The following ADAMTS17 variants were observed in gnomAD, a reference collection of about 807,000 sequenced individuals.
ADAMTS17 encodes A disintegrin and metalloproteinase with thrombospondin motifs 17.
In ADAMTS17, 113 loss-of-function variants were observed where a neutral mutation model predicts 141.5. The observed-to-expected ratio is 0.80, with a 90% confidence interval of 0.69 to 0.93. The LOEUF is 0.93. Among genes scored for constraint, ADAMTS17 ranks in the 40% least tolerant of loss-of-function variants. ADAMTS17 has a pLI of 0.00. For missense variants in ADAMTS17, 1,659 were observed against 1,517.9 expected (o/e 1.09, Z -1.54); for synonymous variants, 768 against 630.6 (o/e 1.22, Z -3.27).
At chr15:100,091,010 C>CAAAAAAAAAAAAAAAAAAA (rs556800178) in intron 15 of ADAMTS17, among the ~76,000 whole-genome samples, 16 of 54,580 alleles carry the variant, frequency 2.9e-4, no homozygotes, top group East Asian at 2.2e-3. Flanking sequence ...TCCGTCTCAA[C>CAAAAAAAAAAAAAAAAAAA]AAAAAAAAAA....
intron 17 of ADAMTS17, among the ~76,000 whole-genome samples, chr15:100,050,954 T>C (rs1011397726): frequency 6.6e-6 from 1 of 152,246 alleles, no homozygotes. Context: ...TTTGGTCATA[T>C]TGATTCTTGC....
At chr15:100,220,621 AG>A (rs2141781474) in intron 7 of ADAMTS17, among the ~76,000 whole-genome samples, 1 of 152,302 alleles carries the variant, frequency 6.6e-6, no homozygotes, top group East Asian at 1.9e-4. Flanking sequence ...TAATTCGAGA[AG>A]ATTTTCATCA....
intron 20 of ADAMTS17, chr15:99,980,115 G>C (rs550819843): frequency 5.9e-5 from 9 of 152,362 alleles, no homozygotes; most frequent in African/African-American, 2.2e-4. Flanking sequence ...GAGGCCAGAA[G>C]TTCGAGACCA....
intron 8 of ADAMTS17, among the ~76,000 whole-genome samples, chr15:100,156,342 C>T (rs1242459162): frequency 6.6e-6 from 1 of 152,228 alleles, no homozygotes; most frequent in East Asian, 1.9e-4. Context: ...GTCTTCTCTG[C>T]ATGCCTGCAG....
At chr15:99,991,165 A>G (rs2060682771) in intron 20 of ADAMTS17, among the ~76,000 whole-genome samples, 1 of 152,264 alleles carries the variant, frequency 6.6e-6, no homozygotes. Flanking sequence ...GCCAGAACTG[A>G]CAAATGGGAT....
intron 7 of ADAMTS17, among the ~76,000 whole-genome samples, chr15:100,202,999 A>T (rs2041393183): frequency 1.3e-5 from 2 of 152,218 alleles, no homozygotes. Context: ...AAAAACATCA[A>T]TTCCACATGT....
At chr15:100,109,260 C>CCAGCTCCTCTAAACACGAGGCA in intron 13 of ADAMTS17, 144 bp from the exon 14 acceptor site, 3 of 1,165,204 alleles carry the variant, frequency 2.6e-6, no homozygotes, top group South Asian at 1.4e-5. Context: ...GGTACGCGCT[C>CCAGCTCCTCTAAACACGAGGCA]CAGGAAGCGG....
intron 7 of ADAMTS17, among the ~76,000 whole-genome samples, chr15:100,214,113 G>A (rs74037560): frequency 0.15 from 23,437 of 152,044 alleles, 1,997 homozygotes; most frequent in Non-Finnish European, 0.2. Flanking sequence ...GTTATCTGGC[G>A]CCCTCCTGAA....
intron 7 of ADAMTS17, among the ~76,000 whole-genome samples, chr15:100,223,843 TTTA>T (rs2042217970): frequency 1.3e-5 from 2 of 151,688 alleles, no homozygotes; most frequent in South Asian, 2.1e-4. Context: ...ATATATGGAG[TTTA>T]TTAAGTATTA....
chr15:100,189,683 T>C (rs1293168741), intron 8 of ADAMTS17, among the ~76,000 whole-genome samples: 1 of 152,234 alleles, frequency 6.6e-6, no homozygotes, highest in African/African-American at 2.4e-5. Context: ...GTCTTCAGTG[T>C]CTGAAGCTGC....
chr15:100,157,572 G>A (rs558190171), intron 8 of ADAMTS17, among the ~76,000 whole-genome samples: 14 of 152,158 alleles, frequency 9.2e-5, no homozygotes, highest in South Asian at 2.1e-4. Flanking sequence ...AGGCCCACAG[G>A]CTCTTCCAAC....
At chr15:100,292,554 C>T (rs1003873609) in intron 3 of ADAMTS17, among the ~76,000 whole-genome samples, 1 of 151,804 alleles carries the variant, frequency 6.6e-6, no homozygotes, top group Non-Finnish European at 1.5e-5. Context: ...TTATGAGAGA[C>T]ACTCACCCCG....
intron 18 of ADAMTS17, among the ~76,000 whole-genome samples, chr15:100,029,618 C>T (rs769570010): frequency 1.3e-5 from 2 of 152,164 alleles, no homozygotes; most frequent in Non-Finnish European, 2.9e-5. Flanking sequence ...CTTTGTGGCT[C>T]TCTCCCCTCA....
rs370476226 is a variant in ADAMTS17 at position 100,111,305 on chromosome 15, C to T, written c.1889-2189G>A. Among the ~76,000 whole-genome samples the T allele has an allele frequency of 7.9e-5, 12 of 152,196 alleles. No individual in the cohort carries two copies. In the East Asian group the frequency reaches 1.3e-3, roughly 17 times the overall value. ...ATGTTTCAGGTCTGATGGGAGCTGTCGGAGGGCTGGGTGCAGCCTGGAAGG... is the reference window on the plus strand; with the variant it reads ...ATGTTTCAGGTCTGATGGGAGCTGTTGGAGGGCTGGGTGCAGCCTGGAAGG... On this transcript the variant is annotated intron_variant, in intron 13 of 21. Coordinates refer to ENST00000268070, the MANE Select transcript of ADAMTS17 (RefSeq NM_139057.4).
chr15:100,197,787 A>G (rs2041176647), intron 8 of ADAMTS17, among the ~76,000 whole-genome samples: 1 of 152,178 alleles, frequency 6.6e-6, no homozygotes, highest in Non-Finnish European at 1.5e-5. Context: ...CTCTACAGGA[A>G]TGGAAGAAAT....
At chr15:100,121,032 A>T (rs1170974588) in intron 12 of ADAMTS17, among the ~76,000 whole-genome samples, 1 of 152,260 alleles carries the variant, frequency 6.6e-6, no homozygotes, top group Non-Finnish European at 1.5e-5. Context: ...GAAGTTAAGA[A>T]AACAAAGATA....
At chr15:100,107,632 C>G (rs2036489712) in intron 14 of ADAMTS17, among the ~76,000 whole-genome samples, 1 of 152,040 alleles carries the variant, frequency 6.6e-6, no homozygotes, top group African/African-American at 2.4e-5. Context: ...GGGCAGAACT[C>G]TCATGAACAG....
At position 100,261,367 on chromosome 15, in the gene ADAMTS17, G is replaced by A. The variant is rs2043509686; in HGVS notation, c.1031+112C>T. On this transcript the variant is annotated intron_variant, in intron 6 of 21. Transcript: ENST00000268070. ...TGAGGAAACCAAAACCCAGACAGGT[G>A]GCCCAAGGTCTGATTTCCAAGCCTG... The A allele has an allele frequency of 3.4e-6, 5 of 1,458,746 alleles. No individual in the cohort carries two copies. The South Asian group carries it at 4.9e-5, about 14-fold the overall frequency. 90.4% of individuals were successfully genotyped at this position (1,458,746 alleles called of 1,614,324 possible).
intron 18 of ADAMTS17, among the ~76,000 whole-genome samples, chr15:100,044,747 C>G (rs180869409): frequency 2.6e-4 from 40 of 151,998 alleles, no homozygotes; most frequent in Non-Finnish European, 4.1e-4. Flanking sequence ...GTGAATGATA[C>G]ACTAATCAAC....
Sources: gnomAD v4.1 joint callset for allele counts (sites outside exome capture counted in the v4.1 genomes callset) on GRCh38, gnomAD v4.1.1 for gene constraint, MANE v1.5 for transcripts, NCBI Gene and HGNC (gene_info 2026-07-23, HGNC 2026-07-21) for gene names.